CAMSAP2: variants seen among roughly 807,000 people sequenced by gnomAD.
CAMSAP2 encodes the protein calmodulin-regulated spectrin-associated protein 2.
CAMSAP2 carries 26 observed loss-of-function variants against 146.1 expected under a neutral mutation model. The observed-to-expected ratio is 0.18, with a 90% confidence interval of 0.13 to 0.25. CAMSAP2 has a LOEUF of 0.25. CAMSAP2 is among the 10% of genes least tolerant of loss of function. CAMSAP2 has a pLI of 1.00. For synonymous variants in CAMSAP2, 499 were observed against 596.6 expected (o/e 0.84, Z 2.38); for missense variants, 1,381 against 1,759.3 (o/e 0.78, Z 3.85).
intron 1 of CAMSAP2, among the ~76,000 whole-genome samples, chr1:200,751,024 A>C (rs1359706054): frequency 2.1e-5 from 3 of 143,222 alleles, no homozygotes; most frequent in African/African-American, 7.9e-5. Flanking sequence ...TGCCTCAGCC[A>C]CCCAAGTAGC....
intron 1 of CAMSAP2, among the ~76,000 whole-genome samples, chr1:200,758,655 C>T (rs927718981): frequency 6.6e-5 from 10 of 152,198 alleles, no homozygotes; most frequent in African/African-American, 2.4e-4. Context: ...GATATTTCCA[C>T]TTGGATATTT....
intron 4 of CAMSAP2, among the ~76,000 whole-genome samples, chr1:200,817,277 T>TACACAC (rs1666627547): frequency 9.6e-6 from 1 of 103,708 alleles, no homozygotes; most frequent in Non-Finnish European, 2.2e-5. Context: ...CACATATATA[T>TACACAC]ATATTTTCCC....
rs1206051460 is a variant in CAMSAP2, at chr1:200,857,249, T to G, written c.4013-57T>G. On this transcript the variant is annotated intron_variant, in intron 15 of 16. Transcript: ENST00000358823. This position sits in a 1 kb window ranked among gnomAD's most constrained non-coding sequence, Gnocchi z 4.7. ...GAACAATTACATCATTTTAAAATAG[T>G]AGTATTTCTGACTTAGGAATGTTAT... The G allele has an allele frequency of 2.7e-6, 3 of 1,111,936 alleles. No individual in the cohort carries two copies. The highest frequency in any genetic ancestry group is 4.1e-6 in the Non-Finnish European group (3 of 734,672). 68.9% of individuals were successfully genotyped at this position (1,111,936 alleles called of 1,614,324 possible).
chr1:200,827,551 G>A (rs780789298), intron 4 of CAMSAP2, among the ~76,000 whole-genome samples: 3 of 152,046 alleles, frequency 2.0e-5, no homozygotes, highest in Non-Finnish European at 4.4e-5. Flanking sequence ...AATTATTGAG[G>A]CTATTCTTCC....
At chr1:200,772,492 C>A (rs1665145300) in intron 2 of CAMSAP2, among the ~76,000 whole-genome samples, 1 of 152,112 alleles carries the variant, frequency 6.6e-6, no homozygotes, top group Non-Finnish European at 1.5e-5. Flanking sequence ...GCCTGTAATC[C>A]CAGCTACTTG....
intron 1 of CAMSAP2, among the ~76,000 whole-genome samples, chr1:200,759,211 C>T (rs1664730977): frequency 6.6e-6 from 1 of 152,016 alleles, no homozygotes; most frequent in Non-Finnish European, 1.5e-5. Flanking sequence ...CTCTTTCTCT[C>T]CTCCCTCTCC....
At chr1:200,750,895 G>T (rs966268117) in intron 1 of CAMSAP2, among the ~76,000 whole-genome samples, 1 of 124,010 alleles carries the variant, frequency 8.1e-6, no homozygotes, top group African/African-American at 3.0e-5. Context: ...GAGCCACCGC[G>T]CCTGCCTTTT....
At chr1:200,855,904 T>G (rs1667738666) in intron 14 of CAMSAP2, 106 bp from the exon 15 acceptor site, 1 of 749,586 alleles carries the variant, frequency 1.3e-6, no homozygotes, top group Admixed American at 2.3e-5. Context: ...CTTATCATAT[T>G]ATTTTTAGGC....
chr1:200,792,786 T>A (rs1248002402), intron 2 of CAMSAP2, among the ~76,000 whole-genome samples: 1 of 152,168 alleles, frequency 6.6e-6, no homozygotes, highest in Non-Finnish European at 1.5e-5. Context: ...GAGAAGTAGA[T>A]GTGACTGGGA....
At chr1:200,833,196 C>G (rs1018752838) in intron 6 of CAMSAP2, among the ~76,000 whole-genome samples, 11 of 152,060 alleles carry the variant, frequency 7.2e-5, no homozygotes, top group African/African-American at 2.7e-4. Context: ...TAATTTTTTT[C>G]TCCTTATTTT....
chr1:200,819,158 C>T (rs1466854679), intron 4 of CAMSAP2, among the ~76,000 whole-genome samples: 1 of 152,138 alleles, frequency 6.6e-6, no homozygotes, highest in Non-Finnish European at 1.5e-5. Flanking sequence ...GGTATTAGAT[C>T]CTCCAGTGAT....
rs1300961584 is a variant in CAMSAP2 at position 200,859,803 on chromosome 1, G to A, written c.*1744G>A. The A allele has an allele frequency of 6.6e-6, 1 of 152,058 alleles. No homozygotes were observed. Among genetic ancestry groups the A allele is most frequent in the Non-Finnish European group, 1.5e-5 (1 of 67,914 alleles). 9.4% of individuals were successfully genotyped at this position (152,058 alleles called of 1,614,324 possible). ...ACAGTAATTTCTATCACAGTTAGAA[G>A]GAAATGATAGTCAAATACACGTTTA... is the stretch of plus-strand genomic sequence containing the variant. On this transcript the variant is annotated 3_prime_UTR_variant, in exon 17 of 17. Transcript: ENST00000358823.
intron 14 of CAMSAP2, 36 bp downstream of exon 14, chr1:200,854,925 G>T: frequency 7.0e-7 from 1 of 1,434,528 alleles, no homozygotes. Context: ...TTACAGAAAA[G>T]AATATAGTAC....
intron 6 of CAMSAP2, among the ~76,000 whole-genome samples, chr1:200,833,333 G>A (rs1049035667): frequency 6.6e-6 from 1 of 152,082 alleles, no homozygotes; most frequent in African/African-American, 2.4e-5. Flanking sequence ...GGAGGAGGTG[G>A]GCAGATAGCT....
rs145786054 is a variant in CAMSAP2, at chr1:200,852,379, C to T, written c.3466-162C>T. Among the ~76,000 whole-genome samples the T allele has an allele frequency of 4.1e-4, 62 of 152,162 alleles. No individual in the cohort carries two copies. In the East Asian group the frequency reaches 0.011, roughly 27 times the overall value. On this transcript the variant is annotated intron_variant, in intron 11 of 16. Transcript: ENST00000358823. ...GATGGAACTGTTACCACTGTAGTTC[C>T]GTTCTTCCTTCATAATTTCTCAACC...
chr1:200,817,050 A>T (rs532843647), intron 4 of CAMSAP2, among the ~76,000 whole-genome samples: 1 of 141,178 alleles, frequency 7.1e-6, no homozygotes, highest in East Asian at 2.1e-4. Context: ...ACACACGTGT[A>T]TGTGTATACA....
chr1:200,834,961 T>C (rs1667148460), intron 6 of CAMSAP2, among the ~76,000 whole-genome samples: 2 of 152,144 alleles, frequency 1.3e-5, no homozygotes, highest in African/African-American at 4.8e-5. Context: ...TTTTTAAAGG[T>C]TAAAAAAGAG....
In CAMSAP2 at chr1:200,848,604, T is replaced by C. The variant is rs1267715535; in HGVS notation, c.1835T>C (p.Ile612Thr). 1.2e-6 allele frequency: 2 copies of C among 1,614,116 alleles called. No individual in the cohort carries two copies. The highest frequency in any genetic ancestry group is 1.7e-5 in the Admixed American group (1 of 60,022). Reference protein sequence around the residue: ...ITDNTEVDTGIHVPSEDIPET... With the variant: ...ITDNTEVDTGTHVPSEDIPET... Reference sequence around the variant, plus strand: ...GACAATACTGAAGTAGACACTGGAATTCACGTTCCTTCAGAAGATATTCCT... The same window carrying C: ...GACAATACTGAAGTAGACACTGGAACTCACGTTCCTTCAGAAGATATTCCT... The change falls in exon 11 of 17, where the codon ATT becomes ACT. Residue 612 changes from isoleucine to threonine, a missense_variant. Transcript: ENST00000358823.
chr1:200,817,103 CACACACGTGTGT>C (rs1666585550), intron 4 of CAMSAP2, among the ~76,000 whole-genome samples: 2 of 144,600 alleles, frequency 1.4e-5, no homozygotes, highest in Non-Finnish European at 3.1e-5. Flanking sequence ...TATATGTATA[CACACACGTGTGT>C]GTATATACAC....
Sources: allele counts gnomAD v4.1 joint callset (sites outside exome capture counted in the v4.1 genomes callset), GRCh38; gene constraint gnomAD v4.1.1; non-coding constraint Gnocchi (gnomAD v3.1); transcripts MANE v1.5; gene names NCBI Gene and HGNC (gene_info 2026-07-23, HGNC 2026-07-21).